ZNF277: variants seen among roughly 807,000 people sequenced by gnomAD.
ZNF277 encodes the protein zinc finger protein 277.
ZNF277 carries 55 observed loss-of-function variants against 60.7 expected under a neutral mutation model. That is an observed-to-expected ratio of 0.91 (90% confidence interval 0.73 to 1.13). ZNF277 has a LOEUF of 1.13. Ranked by LOEUF, ZNF277 falls within the 50% of genes most tolerant of loss-of-function variation. The pLI, the probability that ZNF277 is intolerant of heterozygous loss-of-function variation, is 0.00. For missense variants in ZNF277, 510 were observed against 523.0 expected (o/e 0.98, Z 0.24); for synonymous variants, 178 against 179.3 (o/e 0.99, Z 0.06).
chr7:112,297,985 A>G (rs1483023763), intron 4 of ZNF277, among the ~76,000 whole-genome samples: 1 of 152,176 alleles, frequency 6.6e-6, no homozygotes, highest in Non-Finnish European at 1.5e-5. Flanking sequence ...TTACAGTTTG[A>G]TAGTGATACA....
At chr7:112,332,638 C>G (rs984582153) in intron 7 of ZNF277, among the ~76,000 whole-genome samples, 3 of 152,204 alleles carry the variant, frequency 2.0e-5, no homozygotes, top group African/African-American at 7.2e-5. Flanking sequence ...CTTCATCTTC[C>G]TAGCCCGTTT....
chr7:112,310,712 C>T (rs1416826541), intron 4 of ZNF277, among the ~76,000 whole-genome samples: 2 of 151,882 alleles, frequency 1.3e-5, no homozygotes, highest in Non-Finnish European at 2.9e-5. Context: ...TCTGTGGAGA[C>T]TTTGGGCCAC....
rs2117111648 is a variant in ZNF277 at position 112,318,292 on chromosome 7, T to G, written c.557+19T>G. 2.5e-6 allele frequency: 4 copies of G among 1,596,870 alleles called. No homozygotes were observed. The highest frequency in any genetic ancestry group is 3.4e-6 in the Non-Finnish European group (4 of 1,164,746). On this transcript the variant is annotated intron_variant, in intron 5 of 11. Transcript: ENST00000361822. ...GAAACAGGTTTGCCATTTTGCATCT[T>G]TAAATGTTACTGTTTTTAATCTGAA...
At chr7:112,226,882 C>T (rs966604781) in intron 1 of ZNF277, among the ~76,000 whole-genome samples, 3 of 151,818 alleles carry the variant, frequency 2.0e-5, no homozygotes, top group African/African-American at 7.3e-5. Flanking sequence ...TTTTTTTAGA[C>T]AGCTTCAAAA....
At chr7:112,238,522 G>A (rs1242738541) in intron 1 of ZNF277, among the ~76,000 whole-genome samples, 3 of 152,086 alleles carry the variant, frequency 2.0e-5, no homozygotes, top group Non-Finnish European at 4.4e-5. Context: ...GCTGTGCTGG[G>A]CTTGGAGCCA....
intron 5 of ZNF277, 62 bp downstream of exon 5, chr7:112,318,335 C>G: frequency 2.1e-6 from 3 of 1,404,342 alleles, no homozygotes; most frequent in Non-Finnish European, 3.0e-6. Flanking sequence ...CAGAACATCC[C>G]TAACTGTTGG....
intron 1 of ZNF277, among the ~76,000 whole-genome samples, chr7:112,277,781 T>C (rs945465072): frequency 3.9e-5 from 6 of 152,200 alleles, no homozygotes; most frequent in South Asian, 4.1e-4. Context: ...TATCATTATA[T>C]TTATTTACCT....
chr7:112,335,664 A>G (rs1793315712), intron 7 of ZNF277, among the ~76,000 whole-genome samples: 1 of 152,138 alleles, frequency 6.6e-6, no homozygotes, highest in African/African-American at 2.4e-5. Flanking sequence ...ATTTCTAACA[A>G]ATTGAATTCT....
chr7:112,315,568 G>C (rs754388785), intron 4 of ZNF277, among the ~76,000 whole-genome samples: 2 of 152,122 alleles, frequency 1.3e-5, no homozygotes, highest in Non-Finnish European at 2.9e-5. Flanking sequence ...AGTACAGTAT[G>C]GTAGTAATTG....
Position 112,291,103 on chromosome 7 carries a change from A to G in ZNF277, c.293+4029A>G, listed in dbSNP as rs1312799645. On this transcript the variant is annotated intron_variant, in intron 2 of 11. Coordinates refer to ENST00000361822, the MANE Select transcript of ZNF277 (RefSeq NM_021994.3). ...TGGGGCAGGAGAAATAAAAACAAAA[A>G]TAAAAATCTTTCCATTGAGTCCATT... 2.0e-5 allele frequency among the ~76,000 whole-genome samples: 3 copies of G among 152,230 alleles called. No individual in the cohort carries two copies. In the East Asian group the frequency reaches 5.8e-4, roughly 29 times the overall value.
At chr7:112,218,611 C>T (rs1563194293) in intron 1 of ZNF277, among the ~76,000 whole-genome samples, 1 of 152,196 alleles carries the variant, frequency 6.6e-6, no homozygotes. Context: ...ACCAACATCT[C>T]TCCAATCTTC....
intron 1 of ZNF277, among the ~76,000 whole-genome samples, chr7:112,233,153 C>G (rs1445746721): frequency 6.6e-6 from 1 of 152,110 alleles, no homozygotes; most frequent in Non-Finnish European, 1.5e-5. Context: ...ATAGGGATTT[C>G]ACAATCCTAT....
chr7:112,228,798 G>A (rs187754587), intron 1 of ZNF277, among the ~76,000 whole-genome samples: 5 of 152,150 alleles, frequency 3.3e-5, no homozygotes, highest in African/African-American at 9.6e-5. Context: ...TCCAAAGATC[G>A]AGAGCATAGT....
chr7:112,250,480 GA>G (rs982413973), intron 1 of ZNF277, among the ~76,000 whole-genome samples: 3 of 152,008 alleles, frequency 2.0e-5, no homozygotes, highest in African/African-American at 7.3e-5. Flanking sequence ...CTCCCTTTTT[GA>G]AACTCCCTAA....
rs188905374 is a variant in ZNF277 at position 112,332,136 on chromosome 7, G to A, written c.801+1920G>A. ...TGATGTGGCGTGGACTACACATTAA[G>A]AGAAGTGTTTCAAAAGAAAGTAAGG... is the stretch of plus-strand genomic sequence containing the variant. On this transcript the variant is annotated intron_variant, in intron 7 of 11. Transcript: ENST00000361822. Among the ~76,000 whole-genome samples, 7 of 152,332 alleles carry A rather than the reference G, an allele frequency of 4.6e-5. No individual in the cohort carries two copies. The East Asian group carries it at 7.7e-4, about 17-fold the overall frequency.
Position 112,336,094 on chromosome 7 carries a change from T to C in ZNF277, c.802-10T>C. On this transcript the variant is annotated splice_polypyrimidine_tract_variant and intron_variant, in intron 7 of 11. Coordinates refer to ENST00000361822, the MANE Select transcript of ZNF277 (RefSeq NM_021994.3). ...CCAATGTCTCTCATCCCTCTGTTCT[T>C]CCTACAAAGGAACTTGGAAAATCGT... 1 of 1,610,608 alleles carries C rather than the reference T, an allele frequency of 6.2e-7. No individual in the cohort carries two copies. The highest frequency in any genetic ancestry group is 8.5e-7 in the Non-Finnish European group (1 of 1,177,896).
intron 1 of ZNF277, among the ~76,000 whole-genome samples, chr7:112,246,464 A>C (rs1360809972): frequency 2.6e-5 from 4 of 152,176 alleles, no homozygotes; most frequent in Admixed American, 6.5e-5. Flanking sequence ...AGAGCTTAAT[A>C]GGAAATTTGA....
At chr7:112,277,358 G>T (rs1352168314) in intron 1 of ZNF277, among the ~76,000 whole-genome samples, 1 of 152,062 alleles carries the variant, frequency 6.6e-6, no homozygotes, top group Non-Finnish European at 1.5e-5. Context: ...CTGGGATTAT[G>T]GGCGTGAGCC....
At chr7:112,240,938 G>A (rs372165573) in intron 1 of ZNF277, among the ~76,000 whole-genome samples, 1 of 152,096 alleles carries the variant, frequency 6.6e-6, no homozygotes, top group Admixed American at 6.5e-5. Flanking sequence ...TAGAGCATTG[G>A]TCTGGGCAAA....
Sources: gnomAD v4.1 joint callset for allele counts (sites outside exome capture counted in the v4.1 genomes callset) on GRCh38, gnomAD v4.1.1 for gene constraint, MANE v1.5 for transcripts, NCBI Gene and HGNC (gene_info 2026-07-23, HGNC 2026-07-21) for gene names.